CNPPD1: variants seen among roughly 807,000 people sequenced by gnomAD.
CNPPD1 encodes cyclin Pas1/PHO80 domain containing 1.
A neutral mutation model predicts 43.7 loss-of-function variants in CNPPD1; 40 were observed. The ratio of observed to expected loss-of-function variants is 0.92; its 90% confidence interval spans 0.71 to 1.19. The LOEUF (loss-of-function observed/expected upper bound fraction) is 1.19. CNPPD1 is among the 50% of genes most tolerant of loss of function. The pLI is 0.00. For missense variants in CNPPD1, 511 were observed against 518.5 expected, an observed-to-expected ratio of 0.99 and a Z score of 0.14; for synonymous variants, 208 against 214.3, an observed-to-expected ratio of 0.97 and a Z score of 0.26.
Position 219,176,276 on chromosome 2 carries a change from C to A in CNPPD1, c.125G>T (p.Gly42Val). Residue 42 changes from glycine (G) to valine (V), a missense_variant, in exon 2 of 8, where the codon GGC becomes GTC. Transcript: ENST00000360507. ...SARIRRRLYYGWDWEADCSLE... is the reference protein window; with the variant it reads ...SARIRRRLYYVWDWEADCSLE... Reference sequence around the variant, plus strand: ...GCTACAGTCGGCTTCCCAGTCCCAGCCATAGTAGAGCCTCCTTCGGATCCG... The same window carrying A: ...GCTACAGTCGGCTTCCCAGTCCCAGACATAGTAGAGCCTCCTTCGGATCCG... The A allele has an allele frequency of 6.2e-7, 1 of 1,614,198 alleles. No homozygotes were observed. The highest frequency in any genetic ancestry group is 1.1e-5 in the South Asian group (1 of 91,088).
At chr2:219,174,534 AC>A (rs529181924) in intron 5 of CNPPD1, among the ~76,000 whole-genome samples, 207 of 152,274 alleles carry the variant, frequency 1.4e-3, no homozygotes, top group African/African-American at 4.8e-3. Flanking sequence ...CTCAGAGTGT[AC>A]CCTGTGGGGC....
In CNPPD1 at chr2:219,176,328, G is replaced by A. The variant is rs1286247328; in HGVS notation, c.73C>T (p.Leu25Phe). The A allele has an allele frequency of 1.2e-5, 20 of 1,612,276 alleles. No individual in the cohort carries two copies. Among genetic ancestry groups the A allele is most frequent in the Non-Finnish European group, 1.6e-5 (19 of 1,178,270 alleles). The part of the protein sequence containing the change: ...SLAGFQDFTF[L>F]PGHQKLSARI... Reference sequence around the variant, plus strand: ...GCACTCAGCTTCTGGTGTCCTGGGAGGAACTGAAACAGGGCAGGGGCAGCG... The same window carrying A: ...GCACTCAGCTTCTGGTGTCCTGGGAAGAACTGAAACAGGGCAGGGGCAGCG... Residue 25 changes from leucine to phenylalanine, a missense_variant, in exon 2 of 8, where the codon CTC becomes TTC. By Grantham distance (22) the Leu-to-Phe change is conservative. Coordinates refer to ENST00000360507, the MANE Select transcript of CNPPD1 (RefSeq NM_015680.6).
At chr2:219,174,050 C>T (rs1286606387) in intron 6 of CNPPD1, 96 bp downstream of exon 6, 2 of 1,181,048 alleles carry the variant, frequency 1.7e-6, no homozygotes, top group Admixed American at 1.7e-5. Flanking sequence ...TGTCTCCTCC[C>T]TCCCCCAGTT....
chr2:219,176,948 T>C (rs1950179446), upstream of CNPPD1: 1 of 799,518 alleles, frequency 1.3e-6, no homozygotes, highest in South Asian at 1.8e-5. Context: ...CGGGCCGCCG[T>C]CCTCGCCCTC....
rs759676698 is a variant in CNPPD1 at position 219,172,675 on chromosome 2, C to A, written c.1144G>T (p.Val382Leu). Residue 382 changes from valine (V) to leucine (L), a missense_variant, in exon 8 of 8, where the codon GTG becomes TTG. Physicochemically the swap from Val to Leu is conservative, Grantham distance 32. Coordinates refer to ENST00000360507, the MANE Select transcript of CNPPD1 (RefSeq NM_015680.6). ...GLAPPWPWSP[V>L]LLSLPQPQQC... ...TGAGGCTGAGGAAGTGAAAGGAGCA[C>A]CGGGCTCCAAGGCCAGGGGGGAGCC... is the stretch of plus-strand genomic sequence containing the variant. 7 of 1,614,062 alleles carry A rather than the reference C, an allele frequency of 4.3e-6. No individual in the cohort carries two copies. In the South Asian group the frequency reaches 7.7e-5, roughly 18 times the overall value.
At position 219,174,759 on chromosome 2, in the gene CNPPD1, A is replaced by G. The variant is rs1393751094; in HGVS notation, c.510+19T>C. ...AGATGGGCCAGGGAAACTGAGCAAG[A>G]GAGAGAACAGCTGCTCACCATGGCA... On this transcript the variant is annotated intron_variant, in intron 5 of 7. Transcript: ENST00000360507. The G allele has an allele frequency of 6.4e-7, 1 of 1,572,142 alleles. No homozygotes were observed.
intron 2 of CNPPD1, among the ~76,000 whole-genome samples, chr2:219,175,972 G>A (rs993289025): frequency 6.6e-6 from 1 of 152,208 alleles, no homozygotes; most frequent in Admixed American, 6.5e-5. Flanking sequence ...AACATATGAT[G>A]GATATCCTTC....
chr2:219,172,527 T>A lies in CNPPD1; in HGVS notation c.*59A>T. ...GGCAGACAGGATCTGAATCAAGCTT[T>A]GCTCCTCCAGGTTCTCAGAAACTCC... On this transcript the variant is annotated 3_prime_UTR_variant, in exon 8 of 8. Coordinates refer to ENST00000360507, the MANE Select transcript of CNPPD1 (RefSeq NM_015680.6). 4.5e-6 allele frequency: 7 copies of A among 1,568,376 alleles called. No homozygotes were observed. The highest frequency in any genetic ancestry group is 6.1e-6 in the Non-Finnish European group (7 of 1,139,814).
At chr2:219,177,019 C>T (rs1217369175), upstream of CNPPD1, 1 of 515,186 alleles carries the variant, frequency 1.9e-6, no homozygotes, top group African/African-American at 2.0e-5. Context: ...CTGGGCGCCT[C>T]TTCCTGTTCC....
intron 2 of CNPPD1, among the ~76,000 whole-genome samples, 193 bp downstream of exon 2, chr2:219,176,030 T>C (rs1000271328): frequency 2.0e-5 from 3 of 152,236 alleles, no homozygotes; most frequent in Non-Finnish European, 4.4e-5. Flanking sequence ...TGTATAGATA[T>C]ATGTGGCAGC....
rs762515593 is a variant in CNPPD1 at position 219,175,044 on chromosome 2, G to T, written c.325C>A (p.Arg109=). Reference sequence around the variant, plus strand: ...ACATGCTGCAAGTAGTCTGGGTTTCGGTGCCGGAGCCGTTCAATGTACACC... The same window carrying T: ...ACATGCTGCAAGTAGTCTGGGTTTCTGTGCCGGAGCCGTTCAATGTACACC... The part of the protein sequence containing the change: ...ALVYIERLRH[R]NPDYLQHVSS... Residue 109 remains arginine, a synonymous_variant, in exon 4 of 8, where the codon CGA becomes AGA. Transcript: ENST00000360507. 1 of 1,613,752 alleles carries T rather than the reference G, an allele frequency of 6.2e-7. No individual in the cohort carries two copies. Among genetic ancestry groups the T allele is most frequent in the African/African-American group, 1.3e-5 (1 of 74,900 alleles).
At chr2:219,175,848 T>G (rs1450465296) in intron 2 of CNPPD1, among the ~76,000 whole-genome samples, 176 bp from the exon 3 acceptor site, 1 of 152,166 alleles carries the variant, frequency 6.6e-6, no homozygotes, top group African/African-American at 2.4e-5. Flanking sequence ...CATTCCAAGT[T>G]CGAATTTCAG....
At chr2:219,173,163 C>T in intron 7 of CNPPD1, 35 bp from the exon 8 acceptor site, 1 of 1,532,086 alleles carries the variant, frequency 6.5e-7, no homozygotes. Context: ...AGGAATCTGT[C>T]TTTAACACAT....
Position 219,172,492 on chromosome 2 carries a change from G to T in CNPPD1, c.*94C>A. On this transcript the variant is annotated 3_prime_UTR_variant, in exon 8 of 8. Transcript: ENST00000360507. ...CCAGGAGGACAGGGGACCTGCCAAG[G>T]ACCCAGCGAGGCAGACAGGATCTGA... is the stretch of plus-strand genomic sequence containing the variant. 1.5e-6 allele frequency: 2 copies of T among 1,366,056 alleles called. No homozygotes were observed. The highest frequency in any genetic ancestry group is 2.1e-6 in the Non-Finnish European group (2 of 965,374). The allele number at this position is 1,366,056 out of a possible 1,614,324, so 84.6% of individuals were successfully genotyped here. A position where few individuals can be genotyped will look rare whatever the true frequency, so the allele number is the denominator to read the frequency against.
chr2:219,176,620 C>A, intron 1 of CNPPD1, 140 bp downstream of exon 1: 2 of 705,776 alleles, frequency 2.8e-6, no homozygotes, highest in Non-Finnish European at 4.7e-6. Flanking sequence ...CCTCCCGGCC[C>A]AAGCAGCCGC....
chr2:219,178,052 A>G (rs1288914552), upstream of CNPPD1: 2 of 183,220 alleles, frequency 1.1e-5, no homozygotes, highest in Non-Finnish European at 2.3e-5. Flanking sequence ...GGATAAGAAA[A>G]CGGGCTCGAC....
At position 219,173,004 on chromosome 2, in the gene CNPPD1, A is replaced by G; in HGVS notation, c.815T>C (p.Leu272Pro). The G allele has an allele frequency of 3.1e-6, 5 of 1,613,872 alleles. No individual in the cohort carries two copies. Among genetic ancestry groups the G allele is most frequent in the Non-Finnish European group, 4.2e-6 (5 of 1,179,982 alleles). The change falls in exon 8 of 8, where the codon CTG (leucine) becomes CCG (proline). Residue 272 changes from leucine (L) to proline (P), a missense_variant. Coordinates refer to ENST00000360507, the MANE Select transcript of CNPPD1 (RefSeq NM_015680.6). ...IPTPGPPDLG[L>P]TSRCLLEPCI... ...GGGCTCCAGGAGGCAACGGGAGGTC[A>G]GTCCAAGGTCAGGCGGCCCAGGTGT...
chr2:219,174,306 A>G, intron 5 of CNPPD1, 99 bp from the exon 6 acceptor site: 1 of 1,199,558 alleles, frequency 8.3e-7, no homozygotes, highest in South Asian at 1.2e-5. Context: ...CCTATGGCTA[A>G]TGCATATTTG....
rs1231831201 is a variant in CNPPD1 at position 219,173,404 on chromosome 2, C to T, written c.636G>A (p.Leu212=). ...WYTYTDLCVL[L]EQPTWQLALG... is the part of the protein sequence containing the mutation. ...GGGCCAACTGCCAGGTCGGCTGCTCCAGCAGCACACACAGGTCTGTGTAGG... is the reference window on the plus strand; with the variant it reads ...GGGCCAACTGCCAGGTCGGCTGCTCTAGCAGCACACACAGGTCTGTGTAGG... The change falls in exon 7 of 8, where the codon CTG becomes CTA. Residue 212 remains leucine (L), a synonymous_variant. Transcript: ENST00000360507. The T allele has an allele frequency of 6.2e-6, 10 of 1,613,864 alleles. No homozygotes were observed. The highest frequency in any genetic ancestry group is 2.2e-5 in the East Asian group (1 of 44,888).
Sources: gnomAD v4.1 joint callset for allele counts (sites outside exome capture counted in the v4.1 genomes callset) on GRCh38, gnomAD v4.1.1 for gene constraint, MANE v1.5 for transcripts, NCBI Gene and HGNC (gene_info 2026-07-23, HGNC 2026-07-21) for gene names.